STXBP4: variants seen among roughly 807,000 people sequenced by gnomAD.
STXBP4 encodes the protein syntaxin-binding protein 4.
Under a neutral mutation model 76.1 loss-of-function variants are expected in STXBP4, and 55 were observed. That is an observed-to-expected ratio of 0.72 (90% confidence interval 0.58 to 0.91). STXBP4 has a LOEUF of 0.91. Among genes scored for constraint, STXBP4 ranks in the 40% least tolerant of loss-of-function variants. The pLI is 0.00. For missense variants in STXBP4, 618 were observed against 636.9 expected, an observed-to-expected ratio of 0.97 and a Z score of 0.32; for synonymous variants, 201 against 220.2, an observed-to-expected ratio of 0.91 and a Z score of 0.77.
intron 8 of STXBP4, among the ~76,000 whole-genome samples, chr17:55,023,499 C>G (rs2078351251): frequency 6.6e-6 from 1 of 151,920 alleles, no homozygotes; most frequent in Non-Finnish European, 1.5e-5. Flanking sequence ...TACACTGCAC[C>G]ATCAGAAAGC....
In STXBP4 at chr17:55,121,393, A is replaced by C. The variant is rs372374286; in HGVS notation, c.1490-19917A>C. Reference sequence around the variant, plus strand: ...GATAAAGGAAAACTGTCATAATTGAAAAACACACTGAGAGAGAGATGAGAT... The same window carrying C: ...GATAAAGGAAAACTGTCATAATTGACAAACACACTGAGAGAGAGATGAGAT... On this transcript the variant is annotated intron_variant, in intron 16 of 17. Coordinates refer to ENST00000376352, the MANE Select transcript of STXBP4 (RefSeq NM_178509.6). 1.5e-3 allele frequency among the ~76,000 whole-genome samples: 221 copies of C among 152,260 alleles called. 7 individuals carry two copies. The South Asian group carries it at 0.045, about 31-fold the overall frequency.
chr17:55,188,171 T>G, the STXBP4 span, among the ~76,000 whole-genome samples: 1 of 152,180 alleles, frequency 6.6e-6, no homozygotes, highest in East Asian at 1.9e-4. Flanking sequence ...ATTCGGTAAA[T>G]AATTATTAAT....
rs1396159322 is a variant in STXBP4 at position 55,000,883 on chromosome 17, G to A, written c.574G>A (p.Asp192Asn). 6.4e-7 allele frequency: 1 copy of A among 1,566,924 alleles called. No individual in the cohort carries two copies. The highest frequency in any genetic ancestry group is 8.8e-7 in the Non-Finnish European group (1 of 1,140,682). ...ENSTVGLSNTDVASAWTENYG... is the reference protein window; with the variant it reads ...ENSTVGLSNTNVASAWTENYG... ...CAGTACTGTGGGTTTGTCTAATACA[G>A]GTAAATACACATTTAATTTCTATTT... Residue 192 changes from aspartate (D) to asparagine (N), a missense_variant and splice_region_variant, in exon 7 of 18, where the codon GAT becomes AAT. Coordinates refer to ENST00000376352, the MANE Select transcript of STXBP4 (RefSeq NM_178509.6).
intron 11 of STXBP4, among the ~76,000 whole-genome samples, chr17:55,045,342 T>G (rs897188644): frequency 5.3e-5 from 8 of 152,124 alleles, no homozygotes; most frequent in African/African-American, 1.9e-4. Context: ...TTTCCTTATA[T>G]TCTCTTAGAA....
chr17:55,002,442 T>C (rs2077937198), intron 7 of STXBP4, among the ~76,000 whole-genome samples: 1 of 152,182 alleles, frequency 6.6e-6, no homozygotes, highest in African/African-American at 2.4e-5. Context: ...GGCTAAAAAT[T>C]ATAATTATTG....
intron 16 of STXBP4, among the ~76,000 whole-genome samples, chr17:55,084,441 T>G (rs1251577235): frequency 1.3e-5 from 2 of 151,948 alleles, no homozygotes; most frequent in Non-Finnish European, 2.9e-5. Flanking sequence ...TGCCTGTTCT[T>G]TCTGATGGTA....
At chr17:55,175,657 T>C (rs1204193575), downstream of STXBP4, among the ~76,000 whole-genome samples, 1 of 151,892 alleles carries the variant, frequency 6.6e-6, no homozygotes, top group African/African-American at 2.4e-5. Context: ...GCTTTTAGAG[T>C]CGGGGGACAA....
chr17:55,113,084 C>T (rs867945147), intron 16 of STXBP4, among the ~76,000 whole-genome samples: 1 of 152,026 alleles, frequency 6.6e-6, no homozygotes, highest in Non-Finnish European at 1.5e-5. Context: ...TTCAGTACCT[C>T]TTAGGACCTC....
At chr17:55,066,917 A>G (rs981637999) in intron 12 of STXBP4, among the ~76,000 whole-genome samples, 6 of 152,204 alleles carry the variant, frequency 3.9e-5, no homozygotes, top group Admixed American at 6.5e-5. Context: ...GCCTATTATT[A>G]TATGGTGTTT....
chr17:55,052,097 C>T (rs1302707620), intron 12 of STXBP4, among the ~76,000 whole-genome samples: 1 of 152,118 alleles, frequency 6.6e-6, no homozygotes, highest in Non-Finnish European at 1.5e-5. Context: ...GGCTAAGAAA[C>T]AGACACCCTA....
chr17:55,097,507 T>C lies in STXBP4; in HGVS notation c.1489+16324T>C, dbSNP rs547720913. Among the ~76,000 whole-genome samples, 224 of 151,898 alleles carry C rather than the reference T, an allele frequency of 1.5e-3. 1 individual carries two copies. The highest frequency in any genetic ancestry group is 2.5e-3 in the Non-Finnish European group (173 of 67,926). ...TGAAACCCCGTCTCTACTAAAAATATAAAAAATTAGCTGGGCGTGGTGGCG... is the reference window on the plus strand; with the variant it reads ...TGAAACCCCGTCTCTACTAAAAATACAAAAAATTAGCTGGGCGTGGTGGCG... On this transcript the variant is annotated intron_variant, in intron 16 of 17. Coordinates refer to ENST00000376352, the MANE Select transcript of STXBP4 (RefSeq NM_178509.6).
chr17:55,028,746 T>A (rs1424176997), intron 8 of STXBP4, among the ~76,000 whole-genome samples: 3 of 152,202 alleles, frequency 2.0e-5, no homozygotes, highest in Non-Finnish European at 4.4e-5. Flanking sequence ...TAATTGCACT[T>A]GTAATTAGGG....
intron 8 of STXBP4, among the ~76,000 whole-genome samples, chr17:55,020,447 CTGTTTGTT>C (rs71905117): frequency 1.2e-4 from 18 of 151,552 alleles, no homozygotes; most frequent in East Asian, 1.9e-4. Flanking sequence ...GCTGTCAAAT[CTGTTTGTT>C]TGTTTGTTTG....
At chr17:55,199,433 T>C in the STXBP4 span, among the ~76,000 whole-genome samples, 2 of 152,370 alleles carry the variant, frequency 1.3e-5, no homozygotes, top group South Asian at 4.1e-4. Context: ...ATATGCATGC[T>C]TTCCTGATGA....
intron 12 of STXBP4, among the ~76,000 whole-genome samples, chr17:55,049,756 A>G (rs1055420991): frequency 2.0e-5 from 3 of 152,014 alleles, no homozygotes; most frequent in African/African-American, 7.2e-5. Flanking sequence ...AGATCAACTC[A>G]CCTATTTTTT....
intron 1 of STXBP4, among the ~76,000 whole-genome samples, chr17:54,979,367 G>A (rs984756730): frequency 2.0e-5 from 3 of 152,138 alleles, no homozygotes; most frequent in Non-Finnish European, 4.4e-5. Flanking sequence ...ATCAAGGAGT[G>A]CCCTATGTGT....
At chr17:55,038,333 ATTTTGACT>A (rs1164924793) in intron 10 of STXBP4, among the ~76,000 whole-genome samples, 1 of 152,064 alleles carries the variant, frequency 6.6e-6, no homozygotes, top group Non-Finnish European at 1.5e-5. Context: ...TGGAACCAGT[ATTTTGACT>A]TATAACAACA....
At chr17:55,110,987 C>T (rs756115706) in intron 16 of STXBP4, among the ~76,000 whole-genome samples, 3 of 152,232 alleles carry the variant, frequency 2.0e-5, no homozygotes, top group Non-Finnish European at 4.4e-5. Flanking sequence ...GCCTGGCTAG[C>T]ACTAGGGTGT....
At chr17:55,007,813 A>T (rs1169571204) in intron 8 of STXBP4, among the ~76,000 whole-genome samples, 2 of 152,214 alleles carry the variant, frequency 1.3e-5, no homozygotes, top group Non-Finnish European at 2.9e-5. Context: ...AAAATCTTTC[A>T]TAACTAAATT....
Sources: allele counts gnomAD v4.1 joint callset (sites outside exome capture counted in the v4.1 genomes callset), GRCh38; gene constraint gnomAD v4.1.1; transcripts MANE v1.5; gene names NCBI Gene and HGNC (gene_info 2026-07-23, HGNC 2026-07-21).